CDH9: variants seen among roughly 807,000 people sequenced by gnomAD.
CDH9 encodes cadherin 9.
In CDH9, 28 loss-of-function variants were observed where a neutral mutation model predicts 70.9. The ratio of observed to expected loss-of-function variants is 0.40; its 90% CI spans 0.29 to 0.54. The LOEUF is 0.54. Ranked by LOEUF, CDH9 falls within the 20% of genes least tolerant of loss-of-function variation. CDH9 has a pLI of 0.59. For missense variants in CDH9, 874 were observed against 984.4 expected (o/e 0.89, Z 1.50); for synonymous variants, 409 against 343.1 (o/e 1.19, Z -2.12).
At chr5:26,897,099 C>T (rs1323084857) in intron 7 of CDH9, among the ~76,000 whole-genome samples, 1 of 152,024 alleles carries the variant, frequency 6.6e-6, no homozygotes, top group Non-Finnish European at 1.5e-5. Context: ...GACACATACA[C>T]CCTCCAAAGA....
At chr5:26,925,004 A>G (rs941667729) in intron 2 of CDH9, among the ~76,000 whole-genome samples, 1 of 152,124 alleles carries the variant, frequency 6.6e-6, no homozygotes, top group Non-Finnish European at 1.5e-5. Context: ...TAGTGCCACA[A>G]TAAACATACG....
intron 1 of CDH9, among the ~76,000 whole-genome samples, chr5:26,990,863 C>T (rs934507619): frequency 4.6e-5 from 7 of 152,298 alleles, no homozygotes; most frequent in African/African-American, 1.4e-4. Flanking sequence ...GGGTATTCTC[C>T]ATTTCCTGGG....
At chr5:26,936,061 G>A (rs1300508772) in intron 2 of CDH9, among the ~76,000 whole-genome samples, 2 of 151,976 alleles carry the variant, frequency 1.3e-5, no homozygotes. Context: ...GGATGTGAAG[G>A]CGTGAGAATG....
At chr5:26,992,397 C>T (rs1742592178) in intron 1 of CDH9, among the ~76,000 whole-genome samples, 1 of 152,130 alleles carries the variant, frequency 6.6e-6, no homozygotes, top group Non-Finnish European at 1.5e-5. Flanking sequence ...AGAGGGTTCT[C>T]TTGCCTTTTG....
At chr5:27,031,342 T>G (rs1743307214) in intron 1 of CDH9, among the ~76,000 whole-genome samples, 1 of 151,944 alleles carries the variant, frequency 6.6e-6, no homozygotes, top group Admixed American at 6.6e-5. Context: ...AATATTATTT[T>G]TAAGTGGTTA....
intron 2 of CDH9, among the ~76,000 whole-genome samples, chr5:26,929,496 G>A (rs949532603): frequency 4.0e-5 from 6 of 151,876 alleles, no homozygotes; most frequent in Non-Finnish European, 1.5e-5. Flanking sequence ...TACATACATA[G>A]CCAAGATAAA....
rs1223864244 is a variant in CDH9 at position 27,003,457 on chromosome 5, T to C, written c.-49-15075A>G. Among the ~76,000 whole-genome samples the C allele has an allele frequency of 2.0e-5, 3 of 152,094 alleles. No homozygotes were observed. In the South Asian group the frequency reaches 6.2e-4, roughly 32 times the overall value. ...AGAAATTGCAAGAAACAAATAACTT[T>C]CCAGTGGAGAAATCTGACAAGCTAC... On this transcript the variant is annotated intron_variant, in intron 1 of 11. Transcript: ENST00000231021.
At chr5:26,938,464 T>C (rs779757988) in intron 2 of CDH9, among the ~76,000 whole-genome samples, 2 of 152,078 alleles carry the variant, frequency 1.3e-5, no homozygotes, top group Non-Finnish European at 2.9e-5. Context: ...GGATACTATA[T>C]ATATAATAGA....
intron 3 of CDH9, among the ~76,000 whole-genome samples, chr5:26,914,166 A>C (rs1395591488): frequency 6.6e-6 from 1 of 152,006 alleles, no homozygotes; most frequent in Non-Finnish European, 1.5e-5. Flanking sequence ...GGGAAGGATA[A>C]GTGAAAGTTT....
At chr5:26,968,717 G>A (rs1030867232) in intron 2 of CDH9, among the ~76,000 whole-genome samples, 1 of 150,268 alleles carries the variant, frequency 6.7e-6, no homozygotes, top group Non-Finnish European at 1.5e-5. Flanking sequence ...TATGGTTGGG[G>A]GGCAAATCTT....
intron 9 of CDH9, among the ~76,000 whole-genome samples, chr5:26,887,492 CT>C (rs1381483608): frequency 1.3e-5 from 2 of 150,092 alleles, no homozygotes; most frequent in African/African-American, 4.9e-5. Flanking sequence ...ATTAATTATA[CT>C]TAATTTCTAT....
intron 2 of CDH9, among the ~76,000 whole-genome samples, chr5:26,951,289 CTCAAAAAAAAAA>C (rs1741840072): frequency 1.6e-4 from 1 of 6,102 alleles, no homozygotes; most frequent in African/African-American, 2.7e-4. Flanking sequence ...AAGACTCTGT[CTCAAAAAAAAAA>C]AAAAAAAAAA....
chr5:27,012,356 A>G (rs1463747334), intron 1 of CDH9, among the ~76,000 whole-genome samples: 1 of 151,886 alleles, frequency 6.6e-6, no homozygotes, highest in African/African-American at 2.4e-5. Context: ...TTTCATTAGG[A>G]TTTTATCTAA....
rs952609687 is a variant in CDH9, at chr5:27,004,208, G to A, written c.-49-15826C>T. ...GCATGAGACATGATGATATCAATGG[G>A]AACAGCATTCCAGAGAAGAGGCCCA... On this transcript the variant is annotated intron_variant, in intron 1 of 11. Coordinates refer to ENST00000231021, the MANE Select transcript of CDH9 (RefSeq NM_016279.4). 6.6e-5 allele frequency among the ~76,000 whole-genome samples: 10 copies of A among 151,902 alleles called. 1 individual carries two copies. Among genetic ancestry groups the A allele is most frequent in the Middle Eastern group, 3.4e-3 (1 of 292 alleles).
chr5:26,999,007 G>A (rs1449924241), intron 1 of CDH9, among the ~76,000 whole-genome samples: 1 of 152,138 alleles, frequency 6.6e-6, no homozygotes, highest in Non-Finnish European at 1.5e-5. Context: ...AGCACTTTGA[G>A]AGGCTGAGGT....
intron 1 of CDH9, among the ~76,000 whole-genome samples, chr5:26,992,273 G>C (rs944289031): frequency 2.6e-5 from 4 of 152,270 alleles, no homozygotes; most frequent in South Asian, 2.1e-4. Flanking sequence ...GCAGACTGGG[G>C]GTTGGGGGGC....
At chr5:26,919,122 C>T (rs751252826) in intron 2 of CDH9, among the ~76,000 whole-genome samples, 79 of 152,022 alleles carry the variant, frequency 5.2e-4, no homozygotes, top group Non-Finnish European at 5.4e-4. Context: ...AGGTGAGTGA[C>T]CACAGTACCT....
intron 7 of CDH9, among the ~76,000 whole-genome samples, chr5:26,900,585 G>T (rs1329811932): frequency 6.6e-6 from 1 of 151,930 alleles, no homozygotes; most frequent in African/African-American, 2.4e-5. Flanking sequence ...AAAAAGATTT[G>T]GTCTCATTCA....
rs1579677365 is a variant in CDH9, at chr5:26,909,461, T to A, written c.524-2623A>T. ...TAAAAATATAGTAAGTAAAATATAG[T>A]GAAACTTGAATGACAAATTTATATA... On this transcript the variant is annotated intron_variant, in intron 3 of 11. Coordinates refer to ENST00000231021, the MANE Select transcript of CDH9 (RefSeq NM_016279.4). 3.3e-5 allele frequency among the ~76,000 whole-genome samples: 5 copies of A among 151,410 alleles called. 1 individual carries two copies. In the South Asian group the frequency reaches 1.0e-3, roughly 31 times the overall value.
Sources: allele counts gnomAD v4.1 joint callset (sites outside exome capture counted in the v4.1 genomes callset), GRCh38; gene constraint gnomAD v4.1.1; transcripts MANE v1.5; gene names NCBI Gene and HGNC (gene_info 2026-07-23, HGNC 2026-07-21).